The following NCOA7 variants were observed in gnomAD, a reference collection of about 807,000 sequenced individuals.
NCOA7 encodes the protein 140 kDa estrogen receptor-associated protein.
A neutral mutation model predicts 104.3 loss-of-function variants in NCOA7; 45 were observed. The observed-to-expected ratio is 0.43, with a 90% CI of 0.34 to 0.55. The LOEUF (loss-of-function observed/expected upper bound fraction) is 0.55, where lower values mean the gene tolerates loss of function less well. Among genes scored for constraint, NCOA7 ranks in the 20% least tolerant of loss-of-function variants. The probability of loss-of-function intolerance (pLI) is 0.02; values close to 1 mark genes in which losing one functional copy is unlikely to be tolerated. For missense variants in NCOA7, 1,041 were observed against 1,119.7 expected (o/e 0.93, Z 1.00); for synonymous variants, 398 against 402.3 (o/e 0.99, Z 0.13).
At chr6:125,907,233 A>G (rs1314159649) in intron 10 of NCOA7, among the ~76,000 whole-genome samples, 1 of 152,218 alleles carries the variant, frequency 6.6e-6, no homozygotes, top group Non-Finnish European at 1.5e-5. Context: ...CTCAGAGGAA[A>G]GAAGAACAAG....
intron 3 of NCOA7, among the ~76,000 whole-genome samples, chr6:125,862,062 AAAG>A (rs1782111976): frequency 1.7e-5 from 2 of 118,212 alleles, no homozygotes; most frequent in Admixed American, 8.1e-5. Context: ...AAAAAAAAAA[AAAG>A]AAAGTGATAA....
intron 5 of NCOA7, among the ~76,000 whole-genome samples, chr6:125,880,868 A>G (rs1783766801): frequency 6.6e-6 from 1 of 152,074 alleles, no homozygotes; most frequent in South Asian, 2.1e-4. Flanking sequence ...TGCAGTGTCT[A>G]CAGGCATGTT....
At chr6:125,798,452 G>C (rs567641877) in intron 1 of NCOA7, among the ~76,000 whole-genome samples, 12 of 152,322 alleles carry the variant, frequency 7.9e-5, no homozygotes, top group African/African-American at 2.9e-4. Context: ...GCCTGGCACA[G>C]AGTAAGCAAC....
intron 3 of NCOA7, among the ~76,000 whole-genome samples, chr6:125,866,914 A>C (rs992180461): frequency 6.6e-6 from 1 of 152,220 alleles, no homozygotes; most frequent in Non-Finnish European, 1.5e-5. Flanking sequence ...ATGGTTTTCA[A>C]TTTGGAAACT....
chr6:125,824,210 G>A (rs1020441277), intron 2 of NCOA7, among the ~76,000 whole-genome samples: 3 of 152,116 alleles, frequency 2.0e-5, no homozygotes, highest in Admixed American at 1.3e-4. Context: ...TAATTTCAAC[G>A]AATAATCACA....
At chr6:125,885,785 T>C (rs1784206592) in intron 8 of NCOA7, among the ~76,000 whole-genome samples, 2 of 152,180 alleles carry the variant, frequency 1.3e-5, no homozygotes. Flanking sequence ...CCTCCCTCAG[T>C]CCTGCATGGA....
rs1784468134 is a variant in NCOA7, at chr6:125,889,399, A to G, written c.1345A>G (p.Lys449Glu). The change falls in exon 9 of 16, where the codon AAA (lysine) becomes GAA (glutamate). Residue 449 changes from lysine to glutamate, a missense_variant. This residue lies in a region of NCOA7 where 914 missense variants were observed against 942.7 expected (regional missense o/e 0.97). Transcript: ENST00000392477. ...CLSLDPEERKKAESQINNSAV... is the reference protein window; with the variant it reads ...CLSLDPEERKEAESQINNSAV... Reference sequence around the variant, plus strand: ...TTCTCTTGACCCAGAGGAACGAAAGAAAGCTGAGTCACAAATAAACAATTC... The same window carrying G: ...TTCTCTTGACCCAGAGGAACGAAAGGAAGCTGAGTCACAAATAAACAATTC... 2 of 1,613,900 alleles carry G rather than the reference A, an allele frequency of 1.2e-6. No homozygotes were observed. Among genetic ancestry groups the G allele is most frequent in the East Asian group, 4.5e-5 (2 of 44,870 alleles).
At position 125,928,062 on chromosome 6, in the gene NCOA7, C is replaced by G. The variant is rs540228043; in HGVS notation, c.2620-112C>G. ...AGGTCTGGCAGTCAGGAACTTCCTC[C>G]GTCAATGGGGTGAGGTGGTTCCCTT... On this transcript the variant is annotated intron_variant, in intron 14 of 15. Coordinates refer to ENST00000392477, the MANE Select transcript of NCOA7 (RefSeq NM_181782.5). 33 of 1,014,518 alleles carry G rather than the reference C, an allele frequency of 3.3e-5. No homozygotes were observed. The African/African-American group carries it at 4.7e-4, about 14-fold the overall frequency. 62.8% of individuals were successfully genotyped at this position (1,014,518 alleles called of 1,614,324 possible).
chr6:125,895,095 A>G (rs904617415), intron 10 of NCOA7, among the ~76,000 whole-genome samples: 5 of 152,142 alleles, frequency 3.3e-5, no homozygotes, highest in Non-Finnish European at 7.4e-5. Flanking sequence ...GTCCTTGATT[A>G]GAAAGAACCA....
At chr6:125,810,216 T>A (rs187954228) in intron 1 of NCOA7, 1 of 152,328 alleles carries the variant, frequency 6.6e-6, no homozygotes, top group East Asian at 1.9e-4. Flanking sequence ...GACCCACAGC[T>A]GTGTGGGTCA....
intron 2 of NCOA7, among the ~76,000 whole-genome samples, chr6:125,821,594 G>A (rs780078241): frequency 2.0e-5 from 3 of 152,058 alleles, no homozygotes; most frequent in African/African-American, 4.8e-5. Context: ...ACTTATAAGC[G>A]ACCTTTTCAA....
At position 125,928,818 on chromosome 6, in the gene NCOA7, CA is replaced by C; in HGVS notation, c.*48del. ...TAACATTAAAAAGACTGGGTTCGAT[CA>C]GCCCTCCTAAAGCTGGCTGGAAAAA... On this transcript the variant is annotated 3_prime_UTR_variant, in exon 16 of 16. Transcript: ENST00000392477. 6.3e-7 allele frequency: 1 copy of C among 1,587,068 alleles called. No individual in the cohort carries two copies. Among genetic ancestry groups the C allele is most frequent in the Non-Finnish European group, 8.6e-7 (1 of 1,169,162 alleles).
intron 1 of NCOA7, among the ~76,000 whole-genome samples, chr6:125,805,220 T>G (rs926762842): frequency 6.0e-5 from 9 of 150,084 alleles, no homozygotes; most frequent in Non-Finnish European, 1.2e-4. Flanking sequence ...CTCAGCCTCC[T>G]GAGTAGCTGG....
At chr6:125,900,411 C>T (rs1785400036) in intron 10 of NCOA7, among the ~76,000 whole-genome samples, 1 of 152,144 alleles carries the variant, frequency 6.6e-6, no homozygotes, top group African/African-American at 2.4e-5. Context: ...TCAAGTAATC[C>T]TTTTTATAAC....
In NCOA7 at chr6:125,882,480, ACTT is replaced by A; in HGVS notation, c.631_633del (p.Ser211del). 6.2e-7 allele frequency: 1 copy of A among 1,613,752 alleles called. No homozygotes were observed. Among genetic ancestry groups the A allele is most frequent in the Non-Finnish European group, 8.5e-7 (1 of 1,179,798 alleles). On this transcript the variant is annotated inframe_deletion, in exon 7 of 16. Coordinates refer to ENST00000392477, the MANE Select transcript of NCOA7 (RefSeq NM_181782.5). ...ACCCATTGAAAGAGTCTTATCGTCT[ACTT>A]CTGAAGAAGATGAGCCAGGTGTGGT...
chr6:125,907,111 C>T (rs1236753362), intron 10 of NCOA7, among the ~76,000 whole-genome samples: 2 of 152,198 alleles, frequency 1.3e-5, no homozygotes, highest in South Asian at 2.1e-4. Context: ...CATTCCTCCT[C>T]CTCTTCCCTC....
chr6:125,796,585 G>C (rs1209945261), intron 1 of NCOA7: 2 of 151,790 alleles, frequency 1.3e-5, no homozygotes, highest in Non-Finnish European at 2.9e-5. Context: ...CACTGTTTGG[G>C]GAATAATGAC....
chr6:125,881,773 A>T (rs114872712), intron 6 of NCOA7, among the ~76,000 whole-genome samples: 94 of 141,862 alleles, frequency 6.6e-4, no homozygotes, highest in East Asian at 8.1e-4. Flanking sequence ...TCCTTTTTTT[A>T]AAAAAAAAAA....
intron 10 of NCOA7, among the ~76,000 whole-genome samples, chr6:125,901,647 A>T (rs1031870970): frequency 6.6e-6 from 1 of 152,186 alleles, no homozygotes; most frequent in African/African-American, 2.4e-5. Context: ...CATAGGTTAC[A>T]AACAGTGCTC....
Sources: allele counts gnomAD v4.1 joint callset (sites outside exome capture counted in the v4.1 genomes callset), GRCh38; gene constraint gnomAD v4.1.1; regional missense constraint gnomAD v4.1.1; transcripts MANE v1.5; gene names NCBI Gene and HGNC (gene_info 2026-07-23, HGNC 2026-07-21).